Variants in CASZ1 observed in about 807,000 individuals in gnomAD.
CASZ1 encodes zinc finger protein castor homolog 1.
A neutral mutation model predicts 135.2 loss-of-function variants in CASZ1; 28 were observed. The observed-to-expected ratio is 0.21, with a 90% confidence interval of 0.15 to 0.28. CASZ1 has a LOEUF of 0.28. Ranked by LOEUF, CASZ1 falls within the 10% of genes least tolerant of loss-of-function variation. The pLI is 1.00. For missense variants in CASZ1, 2,161 were observed against 2,453.3 expected (o/e 0.88, Z 2.52); for synonymous variants, 1,068 against 1,073.4 (o/e 0.99, Z 0.10).
rs945054857 is a variant in CASZ1, at chr1:10,725,271, G to A, written c.-76-19727C>T. 4.6e-5 allele frequency among the ~76,000 whole-genome samples: 7 copies of A among 152,214 alleles called. No homozygotes were observed. Among genetic ancestry groups the A allele is most frequent in the Admixed American group, 2.0e-4 (3 of 15,290 alleles). On this transcript the variant is annotated intron_variant, in intron 2 of 20. Coordinates refer to ENST00000377022, the MANE Select transcript of CASZ1 (RefSeq NM_001079843.3). This position sits in a 1 kb window ranked among gnomAD's most constrained non-coding sequence, Gnocchi z 4.4. ...AGGCTGGGTGCCAGGCGTCTGCCAG[G>A]CCCCTCCACCGTGCCAATGCCAACA...
chr1:10,672,217 G>C (rs578345), intron 4 of CASZ1, among the ~76,000 whole-genome samples: 66,116 of 105,398 alleles, frequency 0.63, 17,101 homozygotes, highest in Middle Eastern at 0.72. Flanking sequence ...CCCTCCCCCC[G>C]CCACCCCCTC....
intron 2 of CASZ1, among the ~76,000 whole-genome samples, chr1:10,750,186 C>A (rs1056447804): frequency 3.3e-5 from 5 of 152,190 alleles, no homozygotes; most frequent in African/African-American, 1.2e-4. Context: ...AGTTCTGTTT[C>A]AGGGCCGACT....
In CASZ1 at chr1:10,721,066, T is replaced by A. The variant is rs1639488374; in HGVS notation, c.-76-15522A>T. 6.6e-6 allele frequency among the ~76,000 whole-genome samples: 1 copy of A among 152,174 alleles called. No individual in the cohort carries two copies. Among genetic ancestry groups the A allele is most frequent in the African/African-American group, 2.4e-5 (1 of 41,456 alleles). On this transcript the variant is annotated intron_variant, in intron 2 of 20. Transcript: ENST00000377022. The surrounding 1 kb of genome is among the most constrained non-coding windows in gnomAD (Gnocchi z 5.4). ...GTAACTCTGGTGGGGGTCCCTTTTG[T>A]ACAGGAGCCAAGCTGGGCTCCTGGG...
Position 10,665,276 on chromosome 1 carries a change from G to T in CASZ1, c.312C>A (p.Pro104=). 4 of 1,611,682 alleles carry T rather than the reference G, an allele frequency of 2.5e-6. No homozygotes were observed. The highest frequency in any genetic ancestry group is 3.4e-6 in the Non-Finnish European group (4 of 1,178,588). ...GEYSEEPAPT[P]VLGRIAREGL... is the part of the protein sequence containing the mutation. ...CCTCGCGGGCAATCCGCCCCAACAC[G>T]GGTGTGGGTGCCGGCTCCTCGCTGT... is the stretch of plus-strand genomic sequence containing the variant. Residue 104 remains proline (P), a synonymous_variant, in exon 5 of 21, where the codon CCC becomes CCA. Coordinates refer to ENST00000377022, the MANE Select transcript of CASZ1 (RefSeq NM_001079843.3).
At position 10,653,840 on chromosome 1, in the gene CASZ1, G is replaced by A. The variant is rs370803048; in HGVS notation, c.2217C>T (p.Ser739=). 1.5e-5 allele frequency: 24 copies of A among 1,608,738 alleles called. No homozygotes were observed. Among genetic ancestry groups the A allele is most frequent in the Admixed American group, 8.4e-5 (5 of 59,754 alleles). Residue 739 remains serine, a synonymous_variant, in exon 11 of 21, where the codon AGC becomes AGT. Transcript: ENST00000377022. ...AGGACTGCTGGCTGGTAGGGGAGGC[G>A]CTCAGGCTGGAGTTCTTGCTGCTCA... ...SALSSKNSSL[S]ASPTSQQSSA... is the part of the protein sequence containing the mutation.
intron 4 of CASZ1, among the ~76,000 whole-genome samples, chr1:10,689,320 C>A (rs551000511): frequency 6.6e-6 from 1 of 152,194 alleles, no homozygotes; most frequent in African/African-American, 2.4e-5. Flanking sequence ...GATGCCGCTG[C>A]GTGGCTTAGC....
At chr1:10,669,569 T>C (rs1643341936) in intron 4 of CASZ1, among the ~76,000 whole-genome samples, 1 of 152,120 alleles carries the variant, frequency 6.6e-6, no homozygotes, top group Non-Finnish European at 1.5e-5. Flanking sequence ...TCCTGCCAGC[T>C]CTGGGTGAGA....
chr1:10,669,598 C>T (rs150101837), intron 4 of CASZ1, among the ~76,000 whole-genome samples: 6 of 152,314 alleles, frequency 3.9e-5, no homozygotes, highest in Non-Finnish European at 7.4e-5. Flanking sequence ...CCTGTAGCTG[C>T]ACCGCATCCC....
chr1:10,741,183 A>G lies in CASZ1; in HGVS notation c.-77+19518T>C, dbSNP rs1485363005. ...TTTTTAGCAGAGACGGGGTTTCACCATGTTGGTCAGGCTGGTCTCCAACTC... is the reference window on the plus strand; with the variant it reads ...TTTTTAGCAGAGACGGGGTTTCACCGTGTTGGTCAGGCTGGTCTCCAACTC... On this transcript the variant is annotated intron_variant, in intron 2 of 20. Coordinates refer to ENST00000377022, the MANE Select transcript of CASZ1 (RefSeq NM_001079843.3). This position sits in a 1 kb window ranked among gnomAD's most constrained non-coding sequence, Gnocchi z 5.0. Among the ~76,000 whole-genome samples the G allele has an allele frequency of 6.6e-6, 1 of 152,100 alleles. No individual in the cohort carries two copies. Among genetic ancestry groups the G allele is most frequent in the Non-Finnish European group, 1.5e-5 (1 of 68,024 alleles).
rs752655857 is a variant in CASZ1 at position 10,649,288 on chromosome 1, C to T, written c.3030G>A (p.Leu1010=). The part of the protein sequence containing the change: ...EKLAEPWKVY[L]RRFGTKDFCD... Reference sequence around the variant, plus strand: ...CGCGGCCAGCAGCCCCTCACCTGCGCAGGTACACCTTCCAGGGCTCTGCCA... The same window carrying T: ...CGCGGCCAGCAGCCCCTCACCTGCGTAGGTACACCTTCCAGGGCTCTGCCA... The change falls in exon 14 of 21, where the codon CTG becomes CTA. Residue 1010 remains leucine (L), a synonymous_variant. Coordinates refer to ENST00000377022, the MANE Select transcript of CASZ1 (RefSeq NM_001079843.3). 1.3e-6 allele frequency: 2 copies of T among 1,599,730 alleles called. No homozygotes were observed. Among genetic ancestry groups the T allele is most frequent in the Non-Finnish European group, 1.7e-6 (2 of 1,173,062 alleles).
rs748476759 is a variant in CASZ1 at position 10,777,103 on chromosome 1, C to T, written c.-233-16246G>A. On this transcript the variant is annotated intron_variant, in intron 1 of 20. Coordinates refer to ENST00000377022, the MANE Select transcript of CASZ1 (RefSeq NM_001079843.3). This position sits in a 1 kb window ranked among gnomAD's most constrained non-coding sequence, Gnocchi z 4.4. Reference sequence around the variant, plus strand: ...CTGACTAGCTGTAGGGCCTGCGGCACGAAGCAACCTCCCTCTGGGCCTCAG... The same window carrying T: ...CTGACTAGCTGTAGGGCCTGCGGCATGAAGCAACCTCCCTCTGGGCCTCAG... 7.2e-5 allele frequency among the ~76,000 whole-genome samples: 11 copies of T among 152,310 alleles called. No homozygotes were observed. The South Asian group carries it at 8.3e-4, about 11-fold the overall frequency.
rs1404339959 is a variant in CASZ1 at position 10,741,249 on chromosome 1, T to A, written c.-77+19452A>T. ...CCACCCACCTCAGCTTCCCAAAGTG[T>A]TGGGATTACAGGCGTGAGCCACTGC... is the stretch of plus-strand genomic sequence containing the variant. On this transcript the variant is annotated intron_variant, in intron 2 of 20. Transcript: ENST00000377022. This position sits in a 1 kb window ranked among gnomAD's most constrained non-coding sequence, Gnocchi z 5.0. Among the ~76,000 whole-genome samples, 1 of 152,196 alleles carries A rather than the reference T, an allele frequency of 6.6e-6. No individual in the cohort carries two copies. The highest frequency in any genetic ancestry group is 1.5e-5 in the Non-Finnish European group (1 of 68,042).
At position 10,639,573 on chromosome 1, in the gene CASZ1, T is replaced by C; in HGVS notation, c.4649A>G (p.Gln1550Arg). Residue 1550 changes from glutamine to arginine, a missense_variant, in exon 21 of 21, where the codon CAG becomes CGG. Around this residue, in one of 7 missense-constraint regions of CASZ1, gnomAD observed 240 missense variants for 321.4 expected, o/e 0.75. Transcript: ENST00000377022. This position sits in a 1 kb window ranked among gnomAD's most constrained non-coding sequence, Gnocchi z 4.0. ...GGCGCAGTCGGCGCTGGAGCTGAAC[T>C]GGCAGAAGCCCGCGGCGCTGATCAC... is the stretch of plus-strand genomic sequence containing the variant. ...QDVISAAGFC[Q>R]FSSSADCAVP... 11 of 1,611,554 alleles carry C rather than the reference T, an allele frequency of 6.8e-6. No homozygotes were observed. Among genetic ancestry groups the C allele is most frequent in the Non-Finnish European group, 7.6e-6 (9 of 1,179,120 alleles).
chr1:10,778,337 A>G (rs1204405253), intron 1 of CASZ1, among the ~76,000 whole-genome samples: 2 of 151,004 alleles, frequency 1.3e-5, no homozygotes, highest in Non-Finnish European at 3.0e-5. Context: ...ACCACACACA[A>G]TCTCACACTT....
chr1:10,648,170 G>C, intron 15 of CASZ1, 31 bp from the exon 16 acceptor site: 2 of 1,452,098 alleles, frequency 1.4e-6, no homozygotes, highest in South Asian at 1.4e-5. Context: ...GGTCTCATGG[G>C]GGGCAGTGAA....
chr1:10,678,721 C>A (rs1638317905), intron 4 of CASZ1, among the ~76,000 whole-genome samples: 1 of 152,028 alleles, frequency 6.6e-6, no homozygotes, highest in Admixed American at 6.6e-5. Flanking sequence ...ACGTCCCGAG[C>A]GGGAGGGGGG....
At chr1:10,773,519 G>A (rs950928755) in intron 1 of CASZ1, among the ~76,000 whole-genome samples, 10 of 152,092 alleles carry the variant, frequency 6.6e-5, no homozygotes, top group Admixed American at 5.2e-4. Flanking sequence ...ATGGGCGAGC[G>A]GGGGTTCCGA....
At chr1:10,734,278 GAAA>G (rs36012614) in intron 2 of CASZ1, among the ~76,000 whole-genome samples, 3 of 101,778 alleles carry the variant, frequency 2.9e-5, no homozygotes, top group African/African-American at 1.0e-4. Context: ...GAAGAAGCAA[GAAA>G]AAAAAAAAAA....
At chr1:10,789,140 A>T (rs1473076856) in intron 1 of CASZ1, among the ~76,000 whole-genome samples, 1 of 152,002 alleles carries the variant, frequency 6.6e-6, no homozygotes, top group Non-Finnish European at 1.5e-5. Flanking sequence ...GGAGAAAGCA[A>T]ATACCCTGTG....
Sources: allele counts gnomAD v4.1 joint callset (sites outside exome capture counted in the v4.1 genomes callset), GRCh38; gene constraint gnomAD v4.1.1; regional missense constraint gnomAD v4.1.1; non-coding constraint Gnocchi (gnomAD v3.1); transcripts MANE v1.5; gene names NCBI Gene and HGNC (gene_info 2026-07-23, HGNC 2026-07-21).